The following SMYD4 variants were observed in gnomAD, a reference collection of about 807,000 sequenced individuals.
SMYD4 encodes the protein protein-lysine N-methyltransferase SMYD4.
In SMYD4, 68 loss-of-function variants were observed where a neutral mutation model predicts 72.8. The observed-to-expected ratio is 0.93, with a 90% CI of 0.77 to 1.14. SMYD4 has a LOEUF of 1.14. Ranked by LOEUF, SMYD4 falls within the 50% of genes most tolerant of loss-of-function variation. SMYD4 has a pLI of 0.00. For missense variants in SMYD4, 984 were observed against 1,003.7 expected, an observed-to-expected ratio of 0.98 and a Z score of 0.27; for synonymous variants, 407 against 388.6, an observed-to-expected ratio of 1.05 and a Z score of -0.56.
At chr17:1,824,963 C>T (rs538730791) in intron 2 of SMYD4, among the ~76,000 whole-genome samples, 1 of 152,224 alleles carries the variant, frequency 6.6e-6, no homozygotes, top group South Asian at 2.1e-4. Context: ...CCCCTTTGCT[C>T]AGCACTTCTC....
intron 4 of SMYD4, among the ~76,000 whole-genome samples, chr17:1,802,308 C>T (rs1161926356): frequency 6.6e-6 from 1 of 151,924 alleles, no homozygotes; most frequent in Non-Finnish European, 1.5e-5. Flanking sequence ...CCGGACAACA[C>T]AGATGAGACC....
chr17:1,821,901 A>T (rs1910911507), intron 2 of SMYD4, among the ~76,000 whole-genome samples: 1 of 151,326 alleles, frequency 6.6e-6, no homozygotes, highest in Non-Finnish European at 1.5e-5. Flanking sequence ...ATTGCACTCC[A>T]GCCTGGGTGG....
chr17:1,797,243 C>G (rs1442597350), intron 5 of SMYD4, among the ~76,000 whole-genome samples: 1 of 152,144 alleles, frequency 6.6e-6, no homozygotes, highest in African/African-American at 2.4e-5. Flanking sequence ...TATAAAAACT[C>G]GGTTTAGCTA....
chr17:1,810,541 T>C (rs1910276030), intron 3 of SMYD4, among the ~76,000 whole-genome samples: 1 of 152,122 alleles, frequency 6.6e-6, no homozygotes, highest in Admixed American at 6.6e-5. Context: ...CTCAGCCTCC[T>C]GACTGGCTGG....
chr17:1,797,241 C>T (rs1313813158), intron 5 of SMYD4, among the ~76,000 whole-genome samples: 2 of 152,164 alleles, frequency 1.3e-5, no homozygotes, highest in African/African-American at 4.8e-5. Flanking sequence ...TCTATAAAAA[C>T]TCGGTTTAGC....
chr17:1,804,432 C>A, intron 4 of SMYD4, 194 bp downstream of exon 4: 1 of 475,126 alleles, frequency 2.1e-6, no homozygotes, highest in East Asian at 4.0e-5. Context: ...CCGCCTTGAC[C>A]TCCCAAAGTG....
At chr17:1,786,763 G>C in intron 7 of SMYD4, 47 bp downstream of exon 7, 1 of 1,611,834 alleles carries the variant, frequency 6.2e-7, no homozygotes, top group East Asian at 2.2e-5. Flanking sequence ...CCTTGGGGTG[G>C]AAAACTGACC....
At chr17:1,828,034 C>A (rs1311687639) in intron 1 of SMYD4, 28 bp from the exon 2 acceptor site, 1 of 1,585,714 alleles carries the variant, frequency 6.3e-7, no homozygotes, top group East Asian at 2.3e-5. Flanking sequence ...AAATAGGAAT[C>A]TTACAAATGC....
At chr17:1,815,803 G>A (rs1390103161) in intron 2 of SMYD4, among the ~76,000 whole-genome samples, 6 of 151,638 alleles carry the variant, frequency 4.0e-5, no homozygotes, top group Non-Finnish European at 8.8e-5. Context: ...GGGTTCAAGC[G>A]ATTCTCCTGC....
chr17:1,795,421 A>G (rs1417989976), intron 5 of SMYD4, among the ~76,000 whole-genome samples: 1 of 46,654 alleles, frequency 2.1e-5, no homozygotes, highest in Non-Finnish European at 6.5e-5. Flanking sequence ...CTATCTATCT[A>G]TCTATCTATC....
chr17:1,802,244 A>G (rs552461073), intron 4 of SMYD4, among the ~76,000 whole-genome samples: 1 of 152,320 alleles, frequency 6.6e-6, no homozygotes, highest in African/African-American at 2.4e-5. Context: ...TAATCCCAGC[A>G]TTATGGGAGA....
chr17:1,823,214 CAAAA>C (rs57867059), intron 2 of SMYD4, among the ~76,000 whole-genome samples: 18 of 135,802 alleles, frequency 1.3e-4, no homozygotes, highest in Admixed American at 3.9e-4. Flanking sequence ...ACTAAAAATA[CAAAA>C]AAAAAAAAAA....
intron 5 of SMYD4, among the ~76,000 whole-genome samples, chr17:1,793,581 A>G (rs905672758): frequency 6.6e-5 from 10 of 152,036 alleles, no homozygotes; most frequent in Non-Finnish European, 1.3e-4. Context: ...ACTTCTGTCT[A>G]TTGGTCAAAG....
chr17:1,802,204 A>G (rs1212594010), intron 4 of SMYD4, among the ~76,000 whole-genome samples: 1 of 152,174 alleles, frequency 6.6e-6, no homozygotes, highest in Admixed American at 6.6e-5. Context: ...TATAAGAAGG[A>G]AAACATTTGG....
At chr17:1,812,550 T>C (rs796199784) in intron 2 of SMYD4, among the ~76,000 whole-genome samples, 18 of 131,012 alleles carry the variant, frequency 1.4e-4, no homozygotes, top group South Asian at 2.8e-4. Flanking sequence ...AATTTCTTTT[T>C]TTTTTTTTTT....
rs776359120 is a variant in SMYD4 at position 1,800,561 on chromosome 17, T to C, written c.833A>G (p.His278Arg). The stretch of plus-strand genomic sequence containing the variant: ...GTCCCATTTGCTGTCTAGGCCGTGA[T>C]GCGGTGGTGGCAGTTCTCCTGGGTT... The part of the protein sequence containing the change: ...VLNPGELPPP[H>R]HGLDSKWDTR... Residue 278 changes from histidine to arginine, a missense_variant, in exon 5 of 11, where the codon CAT becomes CGT. Transcript: ENST00000305513. 1 of 1,614,224 alleles carries C rather than the reference T, an allele frequency of 6.2e-7. No individual in the cohort carries two copies. Among genetic ancestry groups the C allele is most frequent in the Non-Finnish European group, 8.5e-7 (1 of 1,180,034 alleles).
In SMYD4 at chr17:1,779,907, G is replaced by A. The variant is rs562793556; in HGVS notation, c.*1379C>T. ...ACATCTCATTACTACTAAAACCACAGGAATGTTCCAGGGAAACAGACTATC... is the reference window on the plus strand; with the variant it reads ...ACATCTCATTACTACTAAAACCACAAGAATGTTCCAGGGAAACAGACTATC... On this transcript the variant is annotated 3_prime_UTR_variant, in exon 11 of 11. Transcript: ENST00000305513. 3 of 152,708 alleles carry A rather than the reference G, an allele frequency of 2.0e-5. No homozygotes were observed. The highest frequency in any genetic ancestry group is 2.0e-4 in the Admixed American group (3 of 15,294). The allele number at this position is 152,708 out of a possible 1,614,324, so 9.5% of individuals were successfully genotyped here. A position where few individuals can be genotyped will look rare whatever the true frequency, so the allele number is the denominator to read the frequency against.
rs185171238 is a variant in SMYD4 at position 1,784,589 on chromosome 17, C to G, written c.1885-128G>C. The G allele has an allele frequency of 2.0e-6, 3 of 1,483,270 alleles. No homozygotes were observed. In the East Asian group the frequency reaches 7.0e-5, roughly 34 times the overall value. The allele number at this position is 1,483,270 out of a possible 1,614,324, so 91.9% of individuals were successfully genotyped here. On this transcript the variant is annotated intron_variant, in intron 7 of 10. Transcript: ENST00000305513. ...GAAAGAGACTCCTGTAACAATACAT[C>G]GTGACGAAAGTCTGAGCGAATTTTG... is the stretch of plus-strand genomic sequence containing the variant.
At chr17:1,784,644 T>C (rs1215058751) in intron 7 of SMYD4, 183 bp from the exon 8 acceptor site, 5 of 887,590 alleles carry the variant, frequency 5.6e-6, no homozygotes, top group Middle Eastern at 5.7e-4. Context: ...GCAATTCTAA[T>C]GAAGTGTATC....
Sources: allele counts gnomAD v4.1 joint callset (sites outside exome capture counted in the v4.1 genomes callset), GRCh38; gene constraint gnomAD v4.1.1; transcripts MANE v1.5; gene names NCBI Gene and HGNC (gene_info 2026-07-23, HGNC 2026-07-21).